The following ZDHHC14 variants were observed in gnomAD, a reference collection of about 807,000 sequenced individuals.
The protein encoded by ZDHHC14 is palmitoyltransferase ZDHHC14.
In ZDHHC14, 16 loss-of-function variants were observed where a neutral mutation model predicts 47.7. The ratio of observed to expected loss-of-function variants is 0.34; its 90% CI spans 0.23 to 0.51. The LOEUF (loss-of-function observed/expected upper bound fraction) is 0.51. Ranked by LOEUF, ZDHHC14 falls within the 20% of genes least tolerant of loss-of-function variation. ZDHHC14 has a pLI of 0.97. For missense variants in ZDHHC14, 515 were observed against 662.5 expected (o/e 0.78, Z 2.44); for synonymous variants, 293 against 278.9 (o/e 1.05, Z -0.50).
chr6:157,442,746 G>A (rs1269004868), intron 1 of ZDHHC14, among the ~76,000 whole-genome samples: 1 of 152,208 alleles, frequency 6.6e-6, no homozygotes, highest in Non-Finnish European at 1.5e-5. Context: ...GCCTCCTGAA[G>A]AACAATTTGC....
At chr6:157,662,218 G>A (rs1778374998) in intron 8 of ZDHHC14, among the ~76,000 whole-genome samples, 1 of 152,068 alleles carries the variant, frequency 6.6e-6, no homozygotes, top group African/African-American at 2.4e-5. Context: ...GTCTCACTCT[G>A]TCGCCCAGGC....
chr6:157,466,994 T>C (rs527370214), intron 1 of ZDHHC14, among the ~76,000 whole-genome samples: 2 of 152,300 alleles, frequency 1.3e-5, no homozygotes, highest in South Asian at 4.1e-4. Context: ...TGAAGGCTCC[T>C]ACCCTTGTCT....
chr6:157,612,217 G>C (rs1036385276), intron 3 of ZDHHC14, among the ~76,000 whole-genome samples: 1 of 152,030 alleles, frequency 6.6e-6, no homozygotes, highest in African/African-American at 2.4e-5. Context: ...GCACTGCCTC[G>C]GCCAGCTGCA....
At chr6:157,556,153 C>T (rs1045299620) in intron 2 of ZDHHC14, among the ~76,000 whole-genome samples, 2 of 150,556 alleles carry the variant, frequency 1.3e-5, no homozygotes, top group African/African-American at 4.9e-5. Context: ...GTGGCGTACT[C>T]GGAGTAATTA....
At chr6:157,416,976 T>TTTTTG in intron 1 of ZDHHC14, among the ~76,000 whole-genome samples, 2 of 102,856 alleles carry the variant, frequency 1.9e-5, no homozygotes, top group Middle Eastern at 4.7e-3. Context: ...TGGCTAGTTT[T>TTTTTG]TTTTTTTTTT....
Position 157,593,068 on chromosome 6 carries a change from A to C in ZDHHC14, c.487A>C (p.Lys163Gln), listed in dbSNP as rs778510507. ...KEVIINGQTV[K>Q]LKYCFTCKIF... ...AGTCATCATCAATGGCCAGACCGTG[A>C]AACTTAAATACTGTTTCACCTGCAA... Residue 163 changes from lysine (K) to glutamine (Q), a missense_variant, in exon 3 of 9, where the codon AAA (lysine) becomes CAA (glutamine). Lys to Gln is a moderately conservative substitution (Grantham distance 53, BLOSUM62 1). This residue lies in a region of ZDHHC14 where 229 missense variants were observed against 351.5 expected (regional missense o/e 0.65). Coordinates refer to ENST00000359775, the MANE Select transcript of ZDHHC14 (RefSeq NM_024630.3). The C allele has an allele frequency of 6.2e-7, 1 of 1,614,186 alleles. No homozygotes were observed. Among genetic ancestry groups the C allele is most frequent in the Non-Finnish European group, 8.5e-7 (1 of 1,180,026 alleles).
intron 1 of ZDHHC14, among the ~76,000 whole-genome samples, chr6:157,405,272 G>A (rs576966285): frequency 6.6e-6 from 1 of 151,970 alleles, no homozygotes; most frequent in Non-Finnish European, 1.5e-5. Flanking sequence ...TCGCTGTCTC[G>A]CCCAGGCTGG....
At chr6:157,598,271 G>A (rs552641089) in intron 3 of ZDHHC14, among the ~76,000 whole-genome samples, 41 of 152,244 alleles carry the variant, frequency 2.7e-4, no homozygotes, top group African/African-American at 9.6e-4. Context: ...TAACTATTTG[G>A]GTATGATGAG....
intron 1 of ZDHHC14, among the ~76,000 whole-genome samples, chr6:157,419,651 G>A (rs189449286): frequency 4.3e-4 from 65 of 152,244 alleles, no homozygotes; most frequent in African/African-American, 1.5e-3. Flanking sequence ...TCATTTCTTT[G>A]TATTGCTGAG....
chr6:157,478,114 T>C (rs1000722037), intron 1 of ZDHHC14, among the ~76,000 whole-genome samples: 3 of 152,202 alleles, frequency 2.0e-5, no homozygotes, highest in Non-Finnish European at 4.4e-5. Flanking sequence ...CCTGGATTAA[T>C]AAGAAGTTTC....
chr6:157,426,293 G>T (rs532652209), intron 1 of ZDHHC14, among the ~76,000 whole-genome samples: 1 of 152,290 alleles, frequency 6.6e-6, no homozygotes, highest in East Asian at 1.9e-4. Context: ...ATGACCTAAG[G>T]ACTCGACTTG....
At chr6:157,412,142 T>C (rs1357263830) in intron 1 of ZDHHC14, among the ~76,000 whole-genome samples, 4 of 152,014 alleles carry the variant, frequency 2.6e-5, no homozygotes, top group Non-Finnish European at 5.9e-5. Context: ...TTTTGCCATG[T>C]TGGCCAGGCT....
At chr6:157,661,779 C>A (rs1455938805) in intron 8 of ZDHHC14, among the ~76,000 whole-genome samples, 2 of 152,192 alleles carry the variant, frequency 1.3e-5, no homozygotes, top group African/African-American at 4.8e-5. Context: ...GATTCTATTT[C>A]CTCTTGCCAT....
intron 5 of ZDHHC14, among the ~76,000 whole-genome samples, chr6:157,638,998 T>C (rs1214912145): frequency 6.6e-6 from 1 of 152,248 alleles, no homozygotes; most frequent in Non-Finnish European, 1.5e-5. Flanking sequence ...ATGCCTGGCA[T>C]CCTGGTGTTG....
At chr6:157,647,717 C>G (rs1777632850) in intron 7 of ZDHHC14, among the ~76,000 whole-genome samples, 2 of 152,130 alleles carry the variant, frequency 1.3e-5, no homozygotes, top group South Asian at 4.1e-4. Context: ...GACACATGTG[C>G]AGGAAGGAAG....
intron 1 of ZDHHC14, among the ~76,000 whole-genome samples, chr6:157,489,867 G>T (rs546314261): frequency 6.6e-6 from 1 of 152,288 alleles, no homozygotes; most frequent in South Asian, 2.1e-4. Flanking sequence ...GGGGAAGATT[G>T]GGTGTGTGGC....
intron 3 of ZDHHC14, among the ~76,000 whole-genome samples, chr6:157,595,943 G>A (rs906680607): frequency 1.3e-5 from 2 of 152,220 alleles, no homozygotes; most frequent in Admixed American, 1.3e-4. Context: ...GAAGTTTGGG[G>A]CAGGATCTAG....
intron 1 of ZDHHC14, among the ~76,000 whole-genome samples, chr6:157,388,710 A>C (rs1010404197): frequency 1.3e-5 from 2 of 152,214 alleles, no homozygotes; most frequent in African/African-American, 4.8e-5. Context: ...CTACCTCCCC[A>C]ATTTCCATCT....
At chr6:157,632,713 A>G (rs1419333935) in intron 4 of ZDHHC14, 121 bp from the exon 5 acceptor site, 1 of 989,362 alleles carries the variant, frequency 1.0e-6, no homozygotes, top group East Asian at 2.4e-5. Context: ...GTGTCGTAGC[A>G]CTTACAAAAT....
Sources: gnomAD v4.1 joint callset for allele counts (sites outside exome capture counted in the v4.1 genomes callset) on GRCh38, gnomAD v4.1.1 for gene constraint, gnomAD v4.1.1 regional missense constraint, MANE v1.5 for transcripts, NCBI Gene and HGNC (gene_info 2026-07-23, HGNC 2026-07-21) for gene names.